ARHGAP32: variants seen among roughly 807,000 people sequenced by gnomAD.
The protein encoded by ARHGAP32 is rho GTPase-activating protein 32.
Under a neutral mutation model 186.5 loss-of-function variants are expected in ARHGAP32, and 51 were observed. The ratio of observed to expected loss-of-function variants is 0.27; its 90% CI spans 0.22 to 0.35. ARHGAP32 has a LOEUF of 0.35. Ranked by LOEUF, ARHGAP32 falls within the 10% of genes least tolerant of loss-of-function variation. ARHGAP32 has a pLI of 1.00. For synonymous variants in ARHGAP32, 950 were observed against 964.3 expected (o/e 0.99, Z 0.27); for missense variants, 2,186 against 2,623.5 (o/e 0.83, Z 3.64).
At position 129,134,289 on chromosome 11, in the gene ARHGAP32, T is replaced by C. The variant is rs591811; in HGVS notation, c.226-9395A>G. On this transcript the variant is annotated intron_variant, in intron 2 of 22. Transcript: ENST00000682385. ...GAAAGAAACTAAAGGTCTATAGTAC[T>C]TAATGATGAAATATTTAAAGTTTCA... Among the ~76,000 whole-genome samples, 603 of 152,222 alleles carry C rather than the reference T, an allele frequency of 4.0e-3. 3 individuals carry two copies. Among genetic ancestry groups the C allele is most frequent in the Non-Finnish European group, 6.8e-3 (462 of 68,008 alleles).
intron 1 of ARHGAP32, among the ~76,000 whole-genome samples, chr11:129,255,119 A>G (rs1432299014): frequency 6.6e-6 from 1 of 152,176 alleles, no homozygotes; most frequent in African/African-American, 2.4e-5. Context: ...GGATACATTA[A>G]AACTAACAGG....
intron 6 of ARHGAP32, among the ~76,000 whole-genome samples, chr11:129,084,207 T>C (rs1941308673): frequency 6.6e-6 from 1 of 152,124 alleles, no homozygotes; most frequent in African/African-American, 2.4e-5. Flanking sequence ...TGGTAAATTT[T>C]ACCAAACATT....
At position 129,260,057 on chromosome 11, in the gene ARHGAP32, T is replaced by C. The variant is rs1945302458; in HGVS notation, c.-5+19089A>G. 2.0e-5 allele frequency among the ~76,000 whole-genome samples: 3 copies of C among 152,170 alleles called. 1 individual carries two copies. In the South Asian group the frequency reaches 6.2e-4, roughly 32 times the overall value. On this transcript the variant is annotated intron_variant, in intron 1 of 6. Transcript: ENST00000525234. ...ATCTTTGTGCTCAGTTCCATGGTAGTTACAAACAAACTTTTGTCTCCATTC... is the reference window on the plus strand; with the variant it reads ...ATCTTTGTGCTCAGTTCCATGGTAGCTACAAACAAACTTTTGTCTCCATTC...
intron 1 of ARHGAP32, among the ~76,000 whole-genome samples, chr11:129,169,250 A>G (rs1943702600): frequency 6.6e-6 from 1 of 152,178 alleles, no homozygotes; most frequent in Non-Finnish European, 1.5e-5. Flanking sequence ...AATCCCTAGA[A>G]TAAGTCTGAC....
chr11:129,041,409 C>T lies in ARHGAP32; in HGVS notation c.964-400G>A, dbSNP rs1299860900. 4.0e-5 allele frequency among the ~76,000 whole-genome samples: 6 copies of T among 150,644 alleles called. No homozygotes were observed. The East Asian group carries it at 1.2e-3, about 29-fold the overall frequency. ...TCTGTTGCCAACTTATGTTTATTGACTTCTCTATGGGTTTTTTAAATCAAC... is the reference window on the plus strand; with the variant it reads ...TCTGTTGCCAACTTATGTTTATTGATTTCTCTATGGGTTTTTTAAATCAAC... On this transcript the variant is annotated intron_variant, in intron 10 of 22. Transcript: ENST00000682385.
At chr11:129,270,521 A>ATGAAAATG (rs1945460608) in intron 1 of ARHGAP32, among the ~76,000 whole-genome samples, 1 of 151,910 alleles carries the variant, frequency 6.6e-6, no homozygotes, top group Admixed American at 6.6e-5. Context: ...CTCTCAGAAC[A>ATGAAAATG]AGTGGGAAAA....
intron 2 of ARHGAP32, among the ~76,000 whole-genome samples, chr11:129,130,199 GTTTA>G (rs1942778136): frequency 6.6e-6 from 1 of 152,130 alleles, no homozygotes; most frequent in African/African-American, 2.4e-5. Flanking sequence ...TACGATAAAA[GTTTA>G]TTTATGACAC....
At chr11:129,185,964 T>C (rs1012439093) in intron 1 of ARHGAP32, among the ~76,000 whole-genome samples, 1 of 152,080 alleles carries the variant, frequency 6.6e-6, no homozygotes, top group East Asian at 1.9e-4. Flanking sequence ...AAATTAAGTA[T>C]CTGGGAAGGT....
intron 1 of ARHGAP32, among the ~76,000 whole-genome samples, chr11:129,188,781 A>G (rs1944216512): frequency 6.6e-6 from 1 of 152,228 alleles, no homozygotes; most frequent in Non-Finnish European, 1.5e-5. Context: ...TTGCCTTAAT[A>G]ATGGAGATAT....
At chr11:129,119,210 A>G (rs1942457688) in intron 5 of ARHGAP32, among the ~76,000 whole-genome samples, 1 of 151,954 alleles carries the variant, frequency 6.6e-6, no homozygotes, top group East Asian at 1.9e-4. Context: ...CTTCCTTTTC[A>G]GTGTGAAGAT....
rs1441300822 is a variant in ARHGAP32 at position 128,974,923 on chromosome 11, C to T, written c.2274G>A (p.Leu758=). 6.2e-7 allele frequency: 1 copy of T among 1,614,096 alleles called. No homozygotes were observed. Residue 758 remains leucine, a synonymous_variant, in exon 21 of 23, where the codon CTG becomes CTA. Coordinates refer to ENST00000682385, the MANE Select transcript of ARHGAP32 (RefSeq NM_001378024.1). ...ALSASFNGEM[L]GNRCNSYDNL... is the part of the protein sequence containing the mutation. Reference sequence around the variant, plus strand: ...TATCATAGGAGTTACAGCGGTTCCCCAGCATTTCTCCATTAAAAGAGGCAG... The same window carrying T: ...TATCATAGGAGTTACAGCGGTTCCCTAGCATTTCTCCATTAAAAGAGGCAG...
chr11:129,083,101 G>T (rs1941268970), intron 6 of ARHGAP32, among the ~76,000 whole-genome samples: 2 of 152,266 alleles, frequency 1.3e-5, no homozygotes, highest in South Asian at 2.1e-4. Flanking sequence ...AAAATAACAT[G>T]TTGGCATTGA....
intron 1 of ARHGAP32, among the ~76,000 whole-genome samples, chr11:129,181,734 G>T (rs1944057819): frequency 6.6e-6 from 1 of 152,006 alleles, no homozygotes; most frequent in South Asian, 2.1e-4. Context: ...TTCAGTTTTG[G>T]TCACTTCCCA....
chr11:129,058,663 A>G (rs999110751), intron 10 of ARHGAP32, among the ~76,000 whole-genome samples: 32 of 152,228 alleles, frequency 2.1e-4, no homozygotes, highest in African/African-American at 7.5e-4. Flanking sequence ...ACTTAAACCA[A>G]TCAGGGCAGC....
Position 128,969,691 on chromosome 11 carries a change from A to G in ARHGAP32, c.5522T>C (p.Phe1841Ser). ...CTCTGCCTCGGGATGCCTCCTATAG[A>G]AGCGGTCCTCTCCCTCGGGACTGAT... ...KAISPEGEDR[F>S]YRRHPEAEMD... The change falls in exon 23 of 23, where the codon TTC becomes TCC. Residue 1841 changes from phenylalanine (F) to serine (S), a missense_variant. Around this residue, in one of 5 missense-constraint regions of ARHGAP32, gnomAD observed 1,502 missense variants for 1,570.0 expected, o/e 0.96. Coordinates refer to ENST00000682385, the MANE Select transcript of ARHGAP32 (RefSeq NM_001378024.1). The surrounding 1 kb of genome is among the most constrained non-coding windows in gnomAD (Gnocchi z 4.8). 2 of 1,614,012 alleles carry G rather than the reference A, an allele frequency of 1.2e-6. No individual in the cohort carries two copies. The highest frequency in any genetic ancestry group is 1.7e-6 in the Non-Finnish European group (2 of 1,179,998).
intron 1 of ARHGAP32, among the ~76,000 whole-genome samples, chr11:129,261,071 C>T (rs528459563): frequency 6.7e-6 from 1 of 150,204 alleles, no homozygotes; most frequent in African/African-American, 2.4e-5. Context: ...CCACACTCCT[C>T]AGAAAAAAAA....
chr11:129,091,391 A>G (rs1941574309), intron 6 of ARHGAP32, among the ~76,000 whole-genome samples: 1 of 152,234 alleles, frequency 6.6e-6, no homozygotes, highest in Admixed American at 6.5e-5. Context: ...AAAGAAATAA[A>G]AACTTTTAAG....
At chr11:129,136,955 A>G (rs1475609799) in intron 2 of ARHGAP32, among the ~76,000 whole-genome samples, 6 of 152,050 alleles carry the variant, frequency 3.9e-5, no homozygotes, top group Admixed American at 1.3e-4. Flanking sequence ...TGCATCCATA[A>G]GTATAAGGTT....
intron 15 of ARHGAP32, among the ~76,000 whole-genome samples, chr11:128,983,060 C>T (rs777974670): frequency 3.9e-5 from 6 of 152,032 alleles, no homozygotes; most frequent in Non-Finnish European, 7.4e-5. Flanking sequence ...TAGTTAGACT[C>T]GGCATTAGGC....
Sources: gnomAD v4.1 joint callset for allele counts (sites outside exome capture counted in the v4.1 genomes callset) on GRCh38, gnomAD v4.1.1 for gene constraint, gnomAD v4.1.1 regional missense constraint, Gnocchi (gnomAD v3.1) non-coding constraint, MANE v1.5 for transcripts, NCBI Gene and HGNC (gene_info 2026-07-23, HGNC 2026-07-21) for gene names.